The following EDA variants were observed in gnomAD, a reference collection of about 807,000 sequenced individuals.
EDA encodes ectodysplasin-A.
EDA carries 2 observed loss-of-function variants against 23.6 expected under a neutral mutation model. The ratio of observed to expected loss-of-function variants is 0.08; its 90% confidence interval spans 0.03 to 0.27. The LOEUF (loss-of-function observed/expected upper bound fraction) is 0.27. Among genes scored for constraint, EDA ranks in the 10% least tolerant of loss-of-function variants. The probability of loss-of-function intolerance (pLI) is 1.00; values close to 1 mark genes in which losing one functional copy is unlikely to be tolerated. For missense variants in EDA, 229 were observed against 324.2 expected, an observed-to-expected ratio of 0.71 and a Z score of 2.26; for synonymous variants, 131 against 132.0, an observed-to-expected ratio of 0.99 and a Z score of 0.05.
intron 1 of EDA, among the ~76,000 whole-genome samples, chrX:69,828,389 A>G (rs1286175425): frequency 8.9e-6 from 1 of 112,334 alleles, no homozygotes; most frequent in African/African-American, 3.2e-5. Context: ...CAGGTGTGGG[A>G]TATAATCTCC....
At chrX:69,906,761 A>G (rs185246108) in intron 1 of EDA, among the ~76,000 whole-genome samples, 218 of 111,801 alleles carry the variant, frequency 1.9e-3, no homozygotes, top group African/African-American at 6.7e-3. Context: ...ACACGCACGC[A>G]CACACATACA....
At chrX:69,761,906 C>T (rs766569491) in intron 1 of EDA, among the ~76,000 whole-genome samples, 3 of 111,298 alleles carry the variant, frequency 2.7e-5, no homozygotes, top group Non-Finnish European at 5.7e-5. Context: ...AGTGACTATG[C>T]GTTGAATTAG....
intron 1 of EDA, among the ~76,000 whole-genome samples, chrX:69,619,600 A>G (rs1291593704): frequency 8.9e-6 from 1 of 112,219 alleles, no homozygotes; most frequent in Admixed American, 9.4e-5. Context: ...TGAGAGAGTC[A>G]CATCAGACCT....
intron 1 of EDA, chrX:69,937,692 G>T: frequency 8.9e-7 from 1 of 1,127,205 alleles, no homozygotes; most frequent in South Asian, 1.8e-5. Flanking sequence ...AGAGTTCTGG[G>T]CATACATGTC....
At chrX:69,982,531 T>C (rs2019426041) in intron 2 of EDA, among the ~76,000 whole-genome samples, 1 of 111,876 alleles carries the variant, frequency 8.9e-6, no homozygotes, top group South Asian at 3.7e-4. Flanking sequence ...TTTACTATGG[T>C]TTATTCCCTA....
chrX:69,660,622 G>C (rs1324810331), intron 1 of EDA, among the ~76,000 whole-genome samples: 2 of 110,445 alleles, frequency 1.8e-5, no homozygotes, highest in African/African-American at 6.6e-5. Context: ...ATAGTTTGCT[G>C]AGAATGATGG....
chrX:70,026,426 G>C (rs1185986667), intron 3 of EDA, among the ~76,000 whole-genome samples: 1 of 111,824 alleles, frequency 8.9e-6, no homozygotes, highest in African/African-American at 3.3e-5. Context: ...AGGAGGAAAG[G>C]GGGAAGAGTT....
chrX:69,656,740 AC>A (rs1197289530), intron 1 of EDA, among the ~76,000 whole-genome samples: 3 of 111,693 alleles, frequency 2.7e-5, no homozygotes, highest in Non-Finnish European at 5.6e-5. Flanking sequence ...ACAAGTGAGA[AC>A]ACGTGGTATT....
intron 1 of EDA, among the ~76,000 whole-genome samples, chrX:69,943,415 T>A (rs2018789989): frequency 8.9e-6 from 1 of 111,803 alleles, no homozygotes; most frequent in African/African-American, 3.3e-5. Flanking sequence ...ATGCTGTGGC[T>A]CTTGCAGACT....
intron 1 of EDA, among the ~76,000 whole-genome samples, chrX:69,873,993 T>C (rs913900814): frequency 2.7e-5 from 3 of 112,244 alleles, no homozygotes; most frequent in African/African-American, 9.7e-5. Flanking sequence ...GGTGGTTTCA[T>C]ACAAGGGTTG....
intron 1 of EDA, among the ~76,000 whole-genome samples, chrX:69,751,667 G>A (rs759416836): frequency 8.9e-6 from 1 of 111,981 alleles, no homozygotes; most frequent in Admixed American, 9.4e-5. Flanking sequence ...AGCATGGAAT[G>A]TTCTTCCATT....
In EDA at chrX:69,928,061, ATTG is replaced by A. The variant is rs766930884; in HGVS notation, c.397-28963_397-28961del. Among the ~76,000 whole-genome samples the A allele has an allele frequency of 4.5e-5, 5 of 111,684 alleles. No homozygotes were observed. The South Asian group carries it at 1.9e-3, about 42-fold the overall frequency. On this transcript the variant is annotated intron_variant, in intron 1 of 7. Coordinates refer to ENST00000374552, the MANE Select transcript of EDA (RefSeq NM_001399.5). ...TAATTCTCACAACAATCCCATGGTG[ATTG>A]TTATTTCTGTTGTATAGATGCCATT...
rs1329394592 is a variant in EDA, at chrX:69,636,990, A to G, written c.396+20286A>G. ...CAATTTTTTTAGCATTGCCCTGGGA[A>G]ATCACACAATAGTAGAGCTGAAAAG... On this transcript the variant is annotated intron_variant, in intron 1 of 7. Coordinates refer to ENST00000374552, the MANE Select transcript of EDA (RefSeq NM_001399.5). 2.7e-5 allele frequency among the ~76,000 whole-genome samples: 3 copies of G among 111,259 alleles called. No individual in the cohort carries two copies. In the East Asian group the frequency reaches 8.5e-4, roughly 32 times the overall value.
At chrX:69,991,005 T>C (rs2019581277) in intron 2 of EDA, among the ~76,000 whole-genome samples, 1 of 111,469 alleles carries the variant, frequency 9.0e-6, no homozygotes, top group African/African-American at 3.3e-5. Flanking sequence ...ATTTTGGTCA[T>C]TTTAAATTTT....
chrX:69,999,031 C>A (rs1441382420), intron 2 of EDA, among the ~76,000 whole-genome samples: 1 of 112,002 alleles, frequency 8.9e-6, no homozygotes, highest in Admixed American at 9.5e-5. Context: ...TCCTTCCTGT[C>A]TCCTCCTTCT....
chrX:69,897,498 A>G (rs898752352), intron 1 of EDA, among the ~76,000 whole-genome samples: 1 of 112,039 alleles, frequency 8.9e-6, no homozygotes, highest in Non-Finnish European at 1.9e-5. Flanking sequence ...CTTCCATTTA[A>G]TCCAGGGTTT....
At chrX:69,894,776 A>G (rs900585491) in intron 1 of EDA, among the ~76,000 whole-genome samples, 4 of 112,037 alleles carry the variant, frequency 3.6e-5, no homozygotes, top group Non-Finnish European at 7.5e-5. Context: ...AACTTTGCCA[A>G]AGTTGTTTAT....
At chrX:70,028,161 A>T (rs912761514) in intron 4 of EDA, 125 bp downstream of exon 4, 3 of 1,087,664 alleles carry the variant, frequency 2.8e-6, no homozygotes, top group Non-Finnish European at 3.6e-6. Context: ...AGGGATGCAG[A>T]TCTCCTAGCC....
chrX:69,797,381 C>T (rs190126213), intron 1 of EDA, among the ~76,000 whole-genome samples: 7 of 111,247 alleles, frequency 6.3e-5, no homozygotes, highest in East Asian at 2.8e-4. Context: ...ATAAGGGAGT[C>T]GCCATCAGAC....
Sources: gnomAD v4.1 joint callset for allele counts (sites outside exome capture counted in the v4.1 genomes callset) on GRCh38, gnomAD v4.1.1 for gene constraint, MANE v1.5 for transcripts, NCBI Gene and HGNC (gene_info 2026-07-23, HGNC 2026-07-21) for gene names.